Variants in MGAT4C observed in about 807,000 individuals in gnomAD.
MGAT4C encodes alpha-1,3-mannosyl-glycoprotein 4-beta-N-acetylglucosaminyltransferase C.
Under a neutral mutation model 40.1 loss-of-function variants are expected in MGAT4C, and 19 were observed. The observed-to-expected ratio is 0.47, with a 90% CI of 0.33 to 0.70. The LOEUF is 0.70. MGAT4C is among the 30% of genes least tolerant of loss of function. The pLI, the probability that MGAT4C is intolerant of heterozygous loss-of-function variation, is 0.02. For missense variants in MGAT4C, 491 were observed against 563.2 expected (o/e 0.87, Z 1.30); for synonymous variants, 181 against 187.1 (o/e 0.97, Z 0.27).
intron 1 of MGAT4C, among the ~76,000 whole-genome samples, chr12:86,075,922 C>T (rs577095262): frequency 2.2e-4 from 33 of 152,326 alleles, no homozygotes; most frequent in Non-Finnish European, 4.3e-4. Flanking sequence ...ACATTTTCCC[C>T]ATGGTCTTGG....
chr12:86,236,474 A>T (rs564664300), intron 1 of MGAT4C, among the ~76,000 whole-genome samples: 15 of 152,178 alleles, frequency 9.9e-5, no homozygotes, highest in African/African-American at 3.6e-4. Context: ...ATTTCTAGCA[A>T]GGAAGATGGG....
At chr12:86,667,549 T>C (rs752302406) in intron 2 of MGAT4C, among the ~76,000 whole-genome samples, 8 of 152,210 alleles carry the variant, frequency 5.3e-5, no homozygotes, top group Non-Finnish European at 5.9e-5. Flanking sequence ...ATTCAGTCTC[T>C]GTTACTATTA....
chr12:86,140,273 T>A (rs949946527), intron 1 of MGAT4C, among the ~76,000 whole-genome samples: 1 of 152,206 alleles, frequency 6.6e-6, no homozygotes, highest in African/African-American at 2.4e-5. Flanking sequence ...TTACACATTT[T>A]CTAAATATAA....
At chr12:86,542,858 T>C (rs1292356354) in intron 2 of MGAT4C, among the ~76,000 whole-genome samples, 3 of 152,182 alleles carry the variant, frequency 2.0e-5, no homozygotes, top group Non-Finnish European at 4.4e-5. Context: ...GCATCAAAAC[T>C]ATTTTCCCAA....
At chr12:86,283,376 T>C (rs1051490060) in intron 4 of MGAT4C, among the ~76,000 whole-genome samples, 17 of 151,986 alleles carry the variant, frequency 1.1e-4, no homozygotes, top group Non-Finnish European at 1.9e-4. Context: ...GTGGAAATTA[T>C]ATATTTATGT....
chr12:86,010,026 T>C (rs2136813850), intron 2 of MGAT4C, among the ~76,000 whole-genome samples: 1 of 152,338 alleles, frequency 6.6e-6, no homozygotes, highest in South Asian at 2.1e-4. Context: ...TCACTTGATA[T>C]TTCATTGCAT....
At chr12:86,458,113 C>T (rs1957539893) in intron 2 of MGAT4C, among the ~76,000 whole-genome samples, 1 of 151,984 alleles carries the variant, frequency 6.6e-6, no homozygotes, top group South Asian at 2.1e-4. Flanking sequence ...TCAACTATTA[C>T]CTTTAAAGGT....
rs534011061 is a variant in MGAT4C, at chr12:86,583,791, G to A, written c.-229+143418C>T. Among the ~76,000 whole-genome samples, 7 of 151,148 alleles carry A rather than the reference G, an allele frequency of 4.6e-5. No individual in the cohort carries two copies. The East Asian group carries it at 1.2e-3, about 25-fold the overall frequency. On this transcript the variant is annotated intron_variant, in intron 2 of 7. Coordinates refer to the MGAT4C transcript ENST00000548651. ...AATTATTTGCATAAAATTGTAAACT[G>A]TCCTTCAGTGTGGGAAATATATTTT... is the stretch of plus-strand genomic sequence containing the variant.
intron 3 of MGAT4C, among the ~76,000 whole-genome samples, chr12:86,408,898 T>C (rs943879770): frequency 1.3e-5 from 2 of 152,100 alleles, no homozygotes; most frequent in Non-Finnish European, 2.9e-5. Context: ...GTTTTAGAAA[T>C]GGTTCAAGTC....
intron 4 of MGAT4C, among the ~76,000 whole-genome samples, chr12:86,274,158 GA>G (rs1410637240): frequency 6.6e-6 from 1 of 152,108 alleles, no homozygotes; most frequent in African/African-American, 2.4e-5. Context: ...TAAACAACCA[GA>G]TCTCATGACA....
rs139069806 is a variant in MGAT4C at position 86,838,214 on chromosome 12, C to T, written c.-262+452G>A. ...ATCATTCAAATATTTATGTATCATA[C>T]GCATCCATGATACCAAAATAAATAC... On this transcript the variant is annotated intron_variant, in intron 1 of 7. Transcript: ENST00000548651. Among the ~76,000 whole-genome samples, 845 of 152,080 alleles carry T rather than the reference C, an allele frequency of 5.6e-3. 4 individuals are homozygous for T. The highest frequency in any genetic ancestry group is 0.019 in the African/African-American group (791 of 41,498).
At chr12:86,756,541 T>G (rs925314809) in intron 1 of MGAT4C, among the ~76,000 whole-genome samples, 1 of 152,166 alleles carries the variant, frequency 6.6e-6, no homozygotes, top group African/African-American at 2.4e-5. Context: ...ATATTTTGTC[T>G]CATTTGATTT....
At chr12:86,087,565 C>A (rs940513493) in intron 1 of MGAT4C, among the ~76,000 whole-genome samples, 7 of 151,946 alleles carry the variant, frequency 4.6e-5, no homozygotes, top group African/African-American at 1.4e-4. Flanking sequence ...GATTTTGTAT[C>A]CTGAAACTTT....
rs530204642 is a variant in MGAT4C, at chr12:86,037,764, C to T, written c.-7+11910G>A. ...TGTGGTGCTGAGAAGAATGTATGTT[C>T]TGTTGATTTGGGGTGGAGAGTTCTG... On this transcript the variant is annotated intron_variant, in intron 2 of 4. Transcript: ENST00000611864. 4.7e-5 allele frequency among the ~76,000 whole-genome samples: 7 copies of T among 149,820 alleles called. No homozygotes were observed. In the East Asian group the frequency reaches 1.4e-3, roughly 29 times the overall value.
chr12:86,039,908 G>T (rs573442120), intron 2 of MGAT4C, among the ~76,000 whole-genome samples: 8 of 152,284 alleles, frequency 5.3e-5, no homozygotes, highest in Admixed American at 4.6e-4. Flanking sequence ...TGGGTTCTCT[G>T]AGTGGATGTC....
At chr12:86,203,347 C>CTT in intron 1 of MGAT4C, among the ~76,000 whole-genome samples, 1 of 152,168 alleles carries the variant, frequency 6.6e-6, no homozygotes, top group South Asian at 2.1e-4. Context: ...ACTGTATGAC[C>CTT]TCTTATAGTT....
At chr12:86,624,313 C>A (rs994905094) in intron 2 of MGAT4C, among the ~76,000 whole-genome samples, 1 of 152,064 alleles carries the variant, frequency 6.6e-6, no homozygotes, top group Non-Finnish European at 1.5e-5. Flanking sequence ...AGAAAAATAA[C>A]CTGAGAAGCA....
In MGAT4C at chr12:86,477,927, T is replaced by C. The variant is rs532020671; in HGVS notation, c.-228-42662A>G. On this transcript the variant is annotated intron_variant, in intron 2 of 7. Transcript: ENST00000548651. ...ATGTCCCTTAAAGCAGATTAATGTA[T>C]AAAACAGTCTTCGAACTAACTTGGA... Among the ~76,000 whole-genome samples, 25 of 152,258 alleles carry C rather than the reference T, an allele frequency of 1.6e-4. No homozygotes were observed. In the East Asian group the frequency reaches 2.5e-3, roughly 15 times the overall value.
intron 1 of MGAT4C, among the ~76,000 whole-genome samples, chr12:86,152,738 T>C (rs892721474): frequency 6.6e-6 from 1 of 152,216 alleles, no homozygotes; most frequent in Non-Finnish European, 1.5e-5. Context: ...TACTGTTCTA[T>C]TAGGAAATAT....
Sources: allele counts gnomAD v4.1 joint callset (sites outside exome capture counted in the v4.1 genomes callset), GRCh38; gene constraint gnomAD v4.1.1; transcripts MANE v1.5; gene names NCBI Gene and HGNC (gene_info 2026-07-23, HGNC 2026-07-21).